CCAR1: variants seen among roughly 807,000 people sequenced by gnomAD.
The protein encoded by CCAR1 is cell division cycle and apoptosis regulator 1, also known as cell division cycle and apoptosis regulator protein 1.
In CCAR1, 78 loss-of-function variants were observed where a neutral mutation model predicts 163.8. The ratio of observed to expected loss-of-function variants is 0.48; its 90% CI spans 0.40 to 0.57. The LOEUF (loss-of-function observed/expected upper bound fraction) is 0.57, where lower values mean the gene tolerates loss of function less well. CCAR1 is among the 20% of genes least tolerant of loss of function. The pLI, the probability that CCAR1 is intolerant of heterozygous loss-of-function variation, is 0.00. For missense variants in CCAR1, 1,019 were observed against 1,365.2 expected (o/e 0.75, Z 4.00); for synonymous variants, 443 against 460.7 (o/e 0.96, Z 0.49).
intron 19 of CCAR1, among the ~76,000 whole-genome samples, chr10:68,777,280 G>T (rs1453168695): frequency 1.3e-4 from 20 of 152,094 alleles, no homozygotes; most frequent in Non-Finnish European, 7.4e-5. Context: ...CTACAATAAA[G>T]TTTCTCAATA....
At chr10:68,723,114 ATTTATT>A (rs1291635687) in intron 2 of CCAR1, among the ~76,000 whole-genome samples, 153 of 149,262 alleles carry the variant, frequency 1.0e-3, no homozygotes, top group African/African-American at 2.0e-3. Context: ...TTATTTTTTT[ATTTATT>A]TTTATTTTTA....
chr10:68,781,691 C>CA (rs916907673), intron 19 of CCAR1, among the ~76,000 whole-genome samples: 10 of 149,970 alleles, frequency 6.7e-5, no homozygotes, highest in East Asian at 1.9e-4. Flanking sequence ...CCCATCTCTA[C>CA]AAAAAAAAAT....
intron 19 of CCAR1, among the ~76,000 whole-genome samples, chr10:68,783,940 A>T (rs2056766506): frequency 6.6e-6 from 1 of 151,604 alleles, no homozygotes; most frequent in Non-Finnish European, 1.5e-5. Flanking sequence ...ATGTATTTTT[A>T]GTAGAGACGG....
At chr10:68,750,207 CTTTTTTCTTTTT>C (rs1564537630) in intron 10 of CCAR1, among the ~76,000 whole-genome samples, 3 of 116,530 alleles carry the variant, frequency 2.6e-5, no homozygotes, top group Admixed American at 9.2e-5. Context: ...TTTCTTTTTT[CTTTTTTCTTTTT>C]TTTTTTTTTT....
intron 15 of CCAR1, among the ~76,000 whole-genome samples, chr10:68,758,087 C>A (rs1218142854): frequency 2.0e-5 from 3 of 152,076 alleles, no homozygotes; most frequent in Admixed American, 6.6e-5. Context: ...CAGAGTCTTG[C>A]TGTGTTTCCC....
At chr10:68,780,393 C>G (rs2056721386) in intron 19 of CCAR1, among the ~76,000 whole-genome samples, 1 of 152,162 alleles carries the variant, frequency 6.6e-6, no homozygotes, top group South Asian at 2.1e-4. Context: ...TGTGGTCTCA[C>G]TATGATGCCC....
intron 1 of CCAR1, among the ~76,000 whole-genome samples, chr10:68,722,071 C>T (rs143946684): frequency 1.7e-3 from 260 of 152,316 alleles, no homozygotes; most frequent in Non-Finnish European, 3.1e-3. Context: ...CCTGGCCTCA[C>T]TCCCCAACCC....
intron 15 of CCAR1, among the ~76,000 whole-genome samples, chr10:68,757,845 A>T (rs541321016): frequency 0.028 from 4,260 of 150,478 alleles, 44 homozygotes; most frequent in Middle Eastern, 0.072. Flanking sequence ...AGAAGGTAGG[A>T]TTTCTGCACT....
intron 6 of CCAR1, 31 bp from the exon 7 acceptor site, chr10:68,747,130 T>C (rs762951972): frequency 8.7e-7 from 1 of 1,154,880 alleles, no homozygotes; most frequent in South Asian, 1.4e-5. Flanking sequence ...TGTATTTATA[T>C]TTAACTTTTT....
chr10:68,771,089 A>AT, intron 17 of CCAR1, 117 bp from the exon 18 acceptor site: 3 of 818,256 alleles, frequency 3.7e-6, no homozygotes, highest in Non-Finnish European at 5.6e-6. Flanking sequence ...AAAAAAAAAA[A>AT]GTTTGATAAG....
intron 19 of CCAR1, among the ~76,000 whole-genome samples, chr10:68,775,696 T>C (rs1459587942): frequency 1.1e-4 from 14 of 122,380 alleles, no homozygotes; most frequent in South Asian, 5.8e-4. Context: ...TCTTTTTTTT[T>C]TTTTTTTTTT....
intron 16 of CCAR1, among the ~76,000 whole-genome samples, chr10:68,764,526 C>A (rs2056513394): frequency 6.6e-6 from 1 of 151,762 alleles, no homozygotes; most frequent in African/African-American, 2.4e-5. Flanking sequence ...CAGAGTGAGA[C>A]CCTGTCTCAA....
In CCAR1 at chr10:68,755,618, C is replaced by T. The variant is rs567386213; in HGVS notation, c.1625+82C>T. On this transcript the variant is annotated intron_variant, in intron 13 of 24. Coordinates refer to ENST00000265872, the MANE Select transcript of CCAR1 (RefSeq NM_018237.4). The stretch of plus-strand genomic sequence containing the variant: ...TTCTTATCGATCAGCCTTTTCCCCC[C>T]GGCTTATTTTAGCAACCCTGGTCAA... The T allele has an allele frequency of 9.9e-5, 124 of 1,256,272 alleles. No individual in the cohort carries two copies. The African/African-American group carries it at 1.1e-3, about 11-fold the overall frequency. The allele number at this position is 1,256,272 out of a possible 1,614,324, so 77.8% of individuals were successfully genotyped here.
intron 16 of CCAR1, among the ~76,000 whole-genome samples, chr10:68,762,322 C>CTA (rs945650945): frequency 1.2e-5 from 1 of 80,552 alleles, no homozygotes; most frequent in African/African-American, 4.4e-5. Flanking sequence ...GAGTGAGACT[C>CTA]TGTCTAAAAA....
chr10:68,724,049 T>C lies in CCAR1; in HGVS notation c.73+1472T>C, dbSNP rs192635323. On this transcript the variant is annotated intron_variant, in intron 2 of 24. Transcript: ENST00000265872. The stretch of plus-strand genomic sequence containing the variant: ...GGTGCATGCCTGTAATCCTAACTAC[T>C]TGGGAGGCTGAAGCTGGAGAATCGC... 3.5e-3 allele frequency among the ~76,000 whole-genome samples: 536 copies of C among 151,690 alleles called. 3 individuals are homozygous for C. The highest frequency in any genetic ancestry group is 0.012 in the African/African-American group (514 of 41,322).
In CCAR1 at chr10:68,792,334, C is replaced by G. The variant is rs913613910; in HGVS notation, c.*1068C>G. On this transcript the variant is annotated 3_prime_UTR_variant, in exon 25 of 25. Coordinates refer to ENST00000265872, the MANE Select transcript of CCAR1 (RefSeq NM_018237.4). ...AAGCCAGTAGATGTCAGTATGATGC[C>G]TTAAATTAAGTCTTCTTTAATTAAA... The G allele has an allele frequency of 2.0e-5, 3 of 151,998 alleles. No homozygotes were observed. The highest frequency in any genetic ancestry group is 2.0e-4 in the Admixed American group (3 of 15,248). The allele number at this position is 151,998 out of a possible 1,614,324, so 9.4% of individuals were successfully genotyped here. A position where few individuals can be genotyped will look rare whatever the true frequency, so the allele number is the denominator to read the frequency against.
intron 1 of CCAR1, among the ~76,000 whole-genome samples, chr10:68,721,826 G>C (rs1401534700): frequency 2.0e-5 from 3 of 152,180 alleles, no homozygotes; most frequent in Non-Finnish European, 4.4e-5. Flanking sequence ...GGGGGTGCAC[G>C]GGCGGAGAAT....
intron 24 of CCAR1, among the ~76,000 whole-genome samples, chr10:68,790,804 T>C (rs2497095): frequency 0.34 from 51,093 of 150,250 alleles, 9,437 homozygotes; most frequent in African/African-American, 0.5. Flanking sequence ...GTCAGGAGAT[T>C]GAGACCACAG....
At chr10:68,769,878 T>C (rs1438172333) in intron 17 of CCAR1, among the ~76,000 whole-genome samples, 1 of 150,824 alleles carries the variant, frequency 6.6e-6, no homozygotes, top group East Asian at 2.0e-4. Context: ...GAGGCGGAGC[T>C]TGCAGTGAGC....
Sources: allele counts gnomAD v4.1 joint callset (sites outside exome capture counted in the v4.1 genomes callset), GRCh38; gene constraint gnomAD v4.1.1; transcripts MANE v1.5; gene names NCBI Gene and HGNC (gene_info 2026-07-23, HGNC 2026-07-21).